PCDHA8: variants seen among roughly 807,000 people sequenced by gnomAD.
The protein encoded by PCDHA8 is protocadherin alpha 8, also known as protocadherin alpha-8.
Under a neutral mutation model 61.8 loss-of-function variants are expected in PCDHA8, and 53 were observed. The observed-to-expected ratio is 0.86, with a 90% confidence interval of 0.69 to 1.08. PCDHA8 has a LOEUF of 1.08. PCDHA8 is among the 50% of genes least tolerant of loss of function. PCDHA8 has a pLI of 0.00. For missense variants in PCDHA8, 1,293 were observed against 1,245.0 expected (o/e 1.04, Z -0.58); for synonymous variants, 618 against 556.6 (o/e 1.11, Z -1.55).
intron 1 of PCDHA8, chr5:140,849,896 CA>C: frequency 6.3e-7 from 1 of 1,598,590 alleles, no homozygotes; most frequent in Non-Finnish European, 8.6e-7. Context: ...TGAAGGAGAA[CA>C]ACCCGCCGGG....
At chr5:140,942,539 TG>T (rs1370746759) in intron 1 of PCDHA8, among the ~76,000 whole-genome samples, 2 of 151,338 alleles carry the variant, frequency 1.3e-5, no homozygotes, top group Admixed American at 6.6e-5. Flanking sequence ...CTCAGTATGG[TG>T]GGGGGTAGGG....
chr5:140,917,336 G>C (rs1183036523), intron 1 of PCDHA8, among the ~76,000 whole-genome samples: 1 of 144,856 alleles, frequency 6.9e-6, no homozygotes, highest in Non-Finnish European at 1.5e-5. Context: ...GGGGAGGGGG[G>C]GGATGGTGTA....
chr5:140,949,335 C>T (rs1388078558), intron 1 of PCDHA8, among the ~76,000 whole-genome samples: 1 of 151,586 alleles, frequency 6.6e-6, no homozygotes, highest in Non-Finnish European at 1.5e-5. Flanking sequence ...TATTGTTATC[C>T]AGATTTTCTG....
chr5:140,999,368 A>G (rs549083218), intron 3 of PCDHA8, among the ~76,000 whole-genome samples: 1 of 152,280 alleles, frequency 6.6e-6, no homozygotes, highest in African/African-American at 2.4e-5. Context: ...TCACAATCCC[A>G]TTAGATGGTT....
Position 140,843,170 on chromosome 5 carries a change from A to G in PCDHA8, c.1849A>G (p.Ser617Gly). Residue 617 changes from serine to glycine, a missense_variant, in exon 1 of 4, where the codon AGC (serine) becomes GGC (glycine). By Grantham distance (56) the Ser-to-Gly change is moderately conservative. Transcript: ENST00000531613. Reference sequence around the variant, plus strand: ...GTATGAGCTGCAGCCAGCTGCAAGCAGCCCTCGCATCCCGTTCCGCGTGGG... The same window carrying G: ...GTATGAGCTGCAGCCAGCTGCAAGCGGCCCTCGCATCCCGTTCCGCGTGGG... ...LSYELQPAAS[S>G]PRIPFRVGLY... 6.3e-7 allele frequency: 1 copy of G among 1,596,072 alleles called. No individual in the cohort carries two copies. Among genetic ancestry groups the G allele is most frequent in the Non-Finnish European group, 8.6e-7 (1 of 1,165,588 alleles).
chr5:140,982,633 A>G (rs2096992474), intron 3 of PCDHA8, 70 bp downstream of exon 3: 1 of 1,557,590 alleles, frequency 6.4e-7, no homozygotes, highest in Non-Finnish European at 8.7e-7. Flanking sequence ...CTTTTGTAAG[A>G]TCAGGAATGT....
chr5:140,883,031 G>A, intron 1 of PCDHA8: 1 of 1,614,078 alleles, frequency 6.2e-7, no homozygotes, highest in Non-Finnish European at 8.5e-7. Flanking sequence ...GTTAGAGAAC[G>A]CCTTCAATGG....
intron 1 of PCDHA8, among the ~76,000 whole-genome samples, chr5:140,902,026 A>G (rs1554190175): frequency 6.6e-6 from 1 of 152,114 alleles, no homozygotes; most frequent in Non-Finnish European, 1.5e-5. Flanking sequence ...TAGAAATACT[A>G]CTAATTTTTG....
chr5:140,977,247 A>G (rs528974727), intron 1 of PCDHA8, among the ~76,000 whole-genome samples: 1 of 152,336 alleles, frequency 6.6e-6, no homozygotes, highest in African/African-American at 2.4e-5. Context: ...AATTGGCAAC[A>G]TTTCTCAGCA....
intron 3 of PCDHA8, among the ~76,000 whole-genome samples, chr5:140,991,523 T>A (rs73268060): frequency 0.032 from 4,843 of 152,294 alleles, 263 homozygotes; most frequent in African/African-American, 0.11. Flanking sequence ...CAAGGTGTGT[T>A]CTTGCCACTA....
At chr5:140,874,427 A>T (rs2054903457) in intron 1 of PCDHA8, among the ~76,000 whole-genome samples, 1 of 152,212 alleles carries the variant, frequency 6.6e-6, no homozygotes, top group African/African-American at 2.4e-5. Context: ...TTCTGAAGAG[A>T]AGCATGTCCT....
intron 1 of PCDHA8, among the ~76,000 whole-genome samples, chr5:140,855,336 A>AT (rs1438851451): frequency 6.7e-6 from 1 of 149,788 alleles, no homozygotes; most frequent in Non-Finnish European, 1.5e-5. Context: ...AGGTTAAACG[A>AT]TTTTCCCAAG....
intron 3 of PCDHA8, among the ~76,000 whole-genome samples, chr5:140,994,668 G>A (rs2097644296): frequency 6.6e-6 from 1 of 152,118 alleles, no homozygotes; most frequent in Admixed American, 6.5e-5. Context: ...TCACACTACT[G>A]CACTCCAGCC....
chr5:140,887,670 C>A (rs368430565), intron 1 of PCDHA8, among the ~76,000 whole-genome samples: 2 of 151,988 alleles, frequency 1.3e-5, no homozygotes, highest in Non-Finnish European at 2.9e-5. Flanking sequence ...GTGGATTTAT[C>A]ATTTTCATCA....
intron 1 of PCDHA8, chr5:140,884,214 T>G: frequency 6.2e-7 from 1 of 1,613,446 alleles, no homozygotes; most frequent in African/African-American, 1.3e-5. Context: ...CGCCTTCTGG[T>G]GCTGGTGAAG....
chr5:140,871,292 CGT>C (rs781959716), intron 1 of PCDHA8: 2 of 1,613,890 alleles, frequency 1.2e-6, no homozygotes, highest in Non-Finnish European at 1.7e-6. Flanking sequence ...ACTGAGGGCG[CGT>C]GCGCGCCGGG....
chr5:140,852,012 T>C (rs2042217314), intron 1 of PCDHA8: 1 of 965,684 alleles, frequency 1.0e-6, no homozygotes, highest in East Asian at 1.1e-4. Context: ...TAATTTATAG[T>C]TTTAAAAACT....
intron 1 of PCDHA8, chr5:140,967,414 C>T: frequency 6.2e-7 from 1 of 1,613,156 alleles, no homozygotes; most frequent in African/African-American, 1.3e-5. Context: ...AGGGCCTAGA[C>T]CGGGAGCAGG....
chr5:140,935,379 C>T (rs2090338823), intron 1 of PCDHA8, among the ~76,000 whole-genome samples: 1 of 152,196 alleles, frequency 6.6e-6, no homozygotes, highest in African/African-American at 2.4e-5. Context: ...CAGAATTACT[C>T]ATTTGTTATC....
Sources: gnomAD v4.1 joint callset for allele counts (sites outside exome capture counted in the v4.1 genomes callset) on GRCh38, gnomAD v4.1.1 for gene constraint, MANE v1.5 for transcripts, NCBI Gene and HGNC (gene_info 2026-07-23, HGNC 2026-07-21) for gene names.